The following XPNPEP3 variants were observed in gnomAD, a reference collection of about 807,000 sequenced individuals.
XPNPEP3 encodes the protein X-prolyl aminopeptidase 3.
In XPNPEP3, 41 loss-of-function variants were observed where a neutral mutation model predicts 60.0. The observed-to-expected ratio is 0.68, with a 90% CI of 0.53 to 0.89. The LOEUF is 0.89. Among genes scored for constraint, XPNPEP3 ranks in the 40% least tolerant of loss-of-function variants. The pLI, the probability that XPNPEP3 is intolerant of heterozygous loss-of-function variation, is 0.00. For missense variants in XPNPEP3, 598 were observed against 638.9 expected, an observed-to-expected ratio of 0.94 and a Z score of 0.69; for synonymous variants, 212 against 223.2, an observed-to-expected ratio of 0.95 and a Z score of 0.45.
At chr22:40,881,330 T>C (rs1158056018) in intron 2 of XPNPEP3, among the ~76,000 whole-genome samples, 1 of 151,578 alleles carries the variant, frequency 6.6e-6, no homozygotes, top group Non-Finnish European at 1.5e-5. Flanking sequence ...ATTTCAGGCG[T>C]GAACCACCTC....
chr22:40,897,029 C>CTTTTTT (rs762152639), intron 4 of XPNPEP3, among the ~76,000 whole-genome samples: 27 of 107,698 alleles, frequency 2.5e-4, no homozygotes, highest in South Asian at 3.2e-4. Context: ...TTTCCTTCAT[C>CTTTTTT]TTTTTTTTTT....
chr22:40,866,976 G>T (rs2057981474), intron 1 of XPNPEP3, among the ~76,000 whole-genome samples: 1 of 152,194 alleles, frequency 6.6e-6, no homozygotes, highest in African/African-American at 2.4e-5. Context: ...CACTATGTGT[G>T]CATGAGTACG....
rs1601498805 is a variant in XPNPEP3 at position 40,881,827 on chromosome 22, T to C, written c.239T>C (p.Met80Thr). 6.2e-7 allele frequency: 1 copy of C among 1,614,176 alleles called. No homozygotes were observed. The highest frequency in any genetic ancestry group is 8.5e-7 in the Non-Finnish European group (1 of 1,180,020). ...TATGCACTTCGCAGACACAAACTAATGTCTCTGATCCAGAAGGAAGCTCAA... is the reference window on the plus strand; with the variant it reads ...TATGCACTTCGCAGACACAAACTAACGTCTCTGATCCAGAAGGAAGCTCAA... ...VEYALRRHKL[M>T]SLIQKEAQGQ... The change falls in exon 3 of 10, where the codon ATG becomes ACG. Residue 80 changes from methionine to threonine, a missense_variant. By Grantham distance (81) the Met-to-Thr change is moderately conservative (BLOSUM62 -1). Transcript: ENST00000357137.
chr22:40,915,869 A>T lies in XPNPEP3; in HGVS notation c.1055+1545A>T, dbSNP rs6002198. Among the ~76,000 whole-genome samples, 890 of 152,332 alleles carry T rather than the reference A, an allele frequency of 5.8e-3. 9 individuals carry two copies. The highest frequency in any genetic ancestry group is 0.02 in the African/African-American group (837 of 41,576). On this transcript the variant is annotated intron_variant, in intron 7 of 9. Transcript: ENST00000357137. ...AATACGAGCAGCTAGAAGCAGAATA[A>T]ACTGAGCAGAGATTTTAGTTGCTTC...
intron 4 of XPNPEP3, among the ~76,000 whole-genome samples, chr22:40,889,068 A>G (rs113777167): frequency 3.3e-5 from 5 of 150,622 alleles, no homozygotes; most frequent in African/African-American, 1.2e-4. Flanking sequence ...GTGTCTCGCT[A>G]TTGCTCAGGT....
intron 9 of XPNPEP3, among the ~76,000 whole-genome samples, chr22:40,925,241 G>A (rs993938496): frequency 4.6e-5 from 7 of 152,264 alleles, no homozygotes; most frequent in South Asian, 2.1e-4. Context: ...GCTAACAATC[G>A]GATACGTTAC....
Position 40,885,977 on chromosome 22 carries a change from A to G in XPNPEP3, c.590-336A>G, listed in dbSNP as rs142336314. Reference sequence around the variant, plus strand: ...AGCCTGGGCAACAGAGCAAGACTCCATCTCAAAAATAAAGAGAGAGAGAAA... The same window carrying G: ...AGCCTGGGCAACAGAGCAAGACTCCGTCTCAAAAATAAAGAGAGAGAGAAA... On this transcript the variant is annotated intron_variant, in intron 3 of 9. Coordinates refer to ENST00000357137, the MANE Select transcript of XPNPEP3 (RefSeq NM_022098.4). Among the ~76,000 whole-genome samples, 773 of 152,148 alleles carry G rather than the reference A, an allele frequency of 5.1e-3. 3 individuals carry two copies. Among genetic ancestry groups the G allele is most frequent in the African/African-American group, 0.017 (724 of 41,550 alleles).
intron 4 of XPNPEP3, among the ~76,000 whole-genome samples, chr22:40,901,344 C>T (rs1394632685): frequency 4.0e-5 from 6 of 150,482 alleles, no homozygotes; most frequent in Non-Finnish European, 5.9e-5. Context: ...AAGCAATTCT[C>T]TTGCCTCAGC....
chr22:40,870,006 A>G (rs1382043074), intron 2 of XPNPEP3: 3 of 470,582 alleles, frequency 6.4e-6, no homozygotes, highest in African/African-American at 6.0e-5. Flanking sequence ...TGATACCAGT[A>G]TGTTTCTCAG....
intron 5 of XPNPEP3, among the ~76,000 whole-genome samples, chr22:40,908,302 G>A (rs757527937): frequency 1.3e-5 from 2 of 150,698 alleles, no homozygotes; most frequent in Admixed American, 6.6e-5. Flanking sequence ...GGAGGATCAC[G>A]TGAGCCCAGG....
At chr22:40,857,385 C>T (rs934314321) in intron 1 of XPNPEP3, 140 bp downstream of exon 1, 6 of 957,558 alleles carry the variant, frequency 6.3e-6, no homozygotes, top group Non-Finnish European at 1.6e-6. Context: ...CGGATTTCTT[C>T]TATACCGGCT....
At chr22:40,915,268 A>G (rs2058192195) in intron 7 of XPNPEP3, among the ~76,000 whole-genome samples, 1 of 151,984 alleles carries the variant, frequency 6.6e-6, no homozygotes, top group Non-Finnish European at 1.5e-5. Flanking sequence ...GCCAAGTACA[A>G]GTCCATTCTT....
At chr22:40,890,780 T>A (rs1377536157) in intron 4 of XPNPEP3, among the ~76,000 whole-genome samples, 2 of 151,412 alleles carry the variant, frequency 1.3e-5, no homozygotes, top group Non-Finnish European at 2.9e-5. Context: ...AATGGGAGGA[T>A]CACATGAGCC....
At chr22:40,916,911 C>G (rs2058198135) in intron 7 of XPNPEP3, among the ~76,000 whole-genome samples, 1 of 151,742 alleles carries the variant, frequency 6.6e-6, no homozygotes, top group Admixed American at 6.6e-5. Context: ...ATAGTGAAAC[C>G]TGGTCTTTAC....
chr22:40,900,402 C>T (rs1428577885), intron 4 of XPNPEP3, among the ~76,000 whole-genome samples: 1 of 151,060 alleles, frequency 6.6e-6, no homozygotes, highest in Non-Finnish European at 1.5e-5. Flanking sequence ...GTCAGGAGTT[C>T]AAGACCAGCC....
chr22:40,915,151 A>G (rs891143669), intron 7 of XPNPEP3, among the ~76,000 whole-genome samples: 2 of 147,968 alleles, frequency 1.4e-5, no homozygotes, highest in Non-Finnish European at 1.5e-5. Flanking sequence ...TCCCAGGTTC[A>G]CATCATTCTC....
intron 4 of XPNPEP3, among the ~76,000 whole-genome samples, chr22:40,888,636 CT>C (rs1252582018): frequency 0.028 from 4,002 of 142,698 alleles, 104 homozygotes; most frequent in African/African-American, 0.081. Flanking sequence ...TGGTTTCTAT[CT>C]TTTTTTTTTT....
chr22:40,885,543 C>G (rs908635443), intron 3 of XPNPEP3, among the ~76,000 whole-genome samples: 2 of 152,132 alleles, frequency 1.3e-5, no homozygotes, highest in Non-Finnish European at 2.9e-5. Context: ...GAACCCTTTC[C>G]TCTAGTACTG....
At chr22:40,881,600 A>G (rs1451296015) in intron 2 of XPNPEP3, among the ~76,000 whole-genome samples, 170 bp from the exon 3 acceptor site, 2 of 152,196 alleles carry the variant, frequency 1.3e-5, no homozygotes, top group Non-Finnish European at 2.9e-5. Flanking sequence ...AAATTTTTGC[A>G]GTGGAATACA....
Sources: gnomAD v4.1 joint callset for allele counts (sites outside exome capture counted in the v4.1 genomes callset) on GRCh38, gnomAD v4.1.1 for gene constraint, MANE v1.5 for transcripts, NCBI Gene and HGNC (gene_info 2026-07-23, HGNC 2026-07-21) for gene names.